The following GYS1 variants were observed in gnomAD, a reference collection of about 807,000 sequenced individuals.
GYS1 encodes the protein glycogen [starch] synthase, muscle.
A neutral mutation model predicts 89.1 loss-of-function variants in GYS1; 60 were observed. The ratio of observed to expected loss-of-function variants is 0.67; its 90% CI spans 0.55 to 0.84. The LOEUF (loss-of-function observed/expected upper bound fraction) is 0.84, where lower values mean the gene tolerates loss of function less well. GYS1 is among the 40% of genes least tolerant of loss of function. GYS1 has a pLI of 0.00. For missense variants in GYS1, 888 were observed against 1,003.1 expected, an observed-to-expected ratio of 0.89 and a Z score of 1.55; for synonymous variants, 366 against 401.7, an observed-to-expected ratio of 0.91 and a Z score of 1.06.
At chr19:48,979,013 C>T (rs2038705282) in intron 8 of GYS1, among the ~76,000 whole-genome samples, 1 of 152,080 alleles carries the variant, frequency 6.6e-6, no homozygotes, top group African/African-American at 2.4e-5. Flanking sequence ...ACTGCAGTGA[C>T]TCATTTTTCA....
intron 8 of GYS1, among the ~76,000 whole-genome samples, chr19:48,978,974 G>C (rs1031540886): frequency 2.0e-5 from 3 of 152,148 alleles, no homozygotes; most frequent in Admixed American, 6.6e-5. Context: ...TCAGCTGTGT[G>C]GTCAGGGACA....
chr19:48,991,569 G>GC lies in GYS1; in HGVS notation c.119-87dup. On this transcript the variant is annotated intron_variant, in intron 1 of 15. Coordinates refer to ENST00000323798, the MANE Select transcript of GYS1 (RefSeq NM_002103.5). The surrounding 1 kb of genome is among the most constrained non-coding windows in gnomAD (Gnocchi z 4.7). The stretch of plus-strand genomic sequence containing the variant: ...GTGGGGTGGGCCGGGGATGTAGGGG[G>GC]CACTCAGGCCCCAGACCTCTAGCTC... 1 of 1,424,100 alleles carries GC rather than the reference G, an allele frequency of 7.0e-7. No homozygotes were observed. Among genetic ancestry groups the GC allele is most frequent in the Non-Finnish European group, 9.9e-7 (1 of 1,015,020 alleles). The allele number at this position is 1,424,100 out of a possible 1,614,324, so 88.2% of individuals were successfully genotyped here.
At chr19:48,979,829 G>T (rs11882289) in intron 8 of GYS1, among the ~76,000 whole-genome samples, 55,808 of 149,348 alleles carry the variant, frequency 0.37, 10,344 homozygotes, top group Middle Eastern at 0.53. Flanking sequence ...TTATTTTTAG[G>T]AAAGACGGGG....
intron 14 of GYS1, chr19:48,970,190 A>G (rs2038537263): frequency 2.1e-6 from 1 of 467,038 alleles, no homozygotes; most frequent in South Asian, 2.2e-5. Flanking sequence ...GTGGGTTTGA[A>G]CAAGGCTCAC....
rs2038510088 is a variant in GYS1 at position 48,969,186 on chromosome 19, C to T, written c.*102G>A. The T allele has an allele frequency of 3.6e-6, 4 of 1,105,594 alleles. No individual in the cohort carries two copies. Among genetic ancestry groups the T allele is most frequent in the Non-Finnish European group, 5.1e-6 (4 of 779,556 alleles). The allele number at this position is 1,105,594 out of a possible 1,614,324, so 68.5% of individuals were successfully genotyped here. A position where few individuals can be genotyped will look rare whatever the true frequency, so the allele number is the denominator to read the frequency against. On this transcript the variant is annotated 3_prime_UTR_variant, in exon 16 of 16. Coordinates refer to ENST00000323798, the MANE Select transcript of GYS1 (RefSeq NM_002103.5). ...ACTGGGTGGGGGCACTGCGGGGCCA[C>T]ACCCAGTGCAGATCTGGAGCGGGGG...
intron 8 of GYS1, among the ~76,000 whole-genome samples, chr19:48,980,786 C>T (rs1371507602): frequency 2.0e-5 from 3 of 152,046 alleles, no homozygotes; most frequent in Non-Finnish European, 2.9e-5. Flanking sequence ...TCAAGATCAG[C>T]CTGGCCAACA....
chr19:48,983,147 C>T (rs1366561367), intron 5 of GYS1, among the ~76,000 whole-genome samples: 4 of 152,024 alleles, frequency 2.6e-5, no homozygotes, highest in Admixed American at 6.6e-5. Context: ...CTACCACACC[C>T]GGCTAATTTA....
rs113242166 is a variant in GYS1, at chr19:48,985,836, C to T, written c.678+14G>A. ...CATACTCGCAGTCCCCCATCTGCCACGGTCCCAGCTCACGTTCTCCAGGTT... is the reference window on the plus strand; with the variant it reads ...CATACTCGCAGTCCCCCATCTGCCATGGTCCCAGCTCACGTTCTCCAGGTT... On this transcript the variant is annotated intron_variant, in intron 4 of 15. Transcript: ENST00000323798. The T allele has an allele frequency of 1.9e-5, 31 of 1,612,382 alleles. No individual in the cohort carries two copies. The African/African-American group carries it at 2.3e-4, about 12-fold the overall frequency.
chr19:48,971,148 T>C, intron 12 of GYS1, 125 bp from the exon 13 acceptor site: 1 of 738,482 alleles, frequency 1.4e-6, no homozygotes, highest in Non-Finnish European at 2.5e-6. Flanking sequence ...GTGCGGAGCG[T>C]CGCTGAGCCC....
At chr19:48,970,731 T>G (rs1307089341) in intron 13 of GYS1, 22 bp from the exon 14 acceptor site, 8 of 1,611,200 alleles carry the variant, frequency 5.0e-6, no homozygotes, top group Non-Finnish European at 6.8e-6. Context: ...AGGACCCAGG[T>G]TCAGAAAACA....
intron 5 of GYS1, 98 bp downstream of exon 5, chr19:48,985,363 T>C: frequency 7.8e-7 from 1 of 1,275,588 alleles, no homozygotes; most frequent in Admixed American, 1.8e-5. Flanking sequence ...TTATGCTATT[T>C]CAACTTACAG....
intron 10 of GYS1, among the ~76,000 whole-genome samples, chr19:48,976,007 A>G (rs1375002029): frequency 6.6e-6 from 1 of 151,632 alleles, no homozygotes; most frequent in East Asian, 1.9e-4. Context: ...GAGTCTCTGG[A>G]GCAAGACAGA....
rs956208305 is a variant in GYS1 at position 48,981,629 on chromosome 19, C to T, written c.1070G>A (p.Gly357Asp). The change falls in exon 8 of 16, where the codon GGC becomes GAC. Residue 357 changes from glycine (G) to aspartate (D), a missense_variant. Gly to Asp is a moderately conservative substitution (Grantham distance 94, BLOSUM62 -1). Coordinates refer to ENST00000323798, the MANE Select transcript of GYS1 (RefSeq NM_002103.5). The part of the protein sequence containing the change: ...ARLNYLLRVN[G>D]SEQTVVAFFI... ...GAAGGCAACCACTGTCTGCTCGCTGCCGTTCACCTGCGCAGAAAGAAAGGA... is the reference window on the plus strand; with the variant it reads ...GAAGGCAACCACTGTCTGCTCGCTGTCGTTCACCTGCGCAGAAAGAAAGGA... 3 of 1,606,460 alleles carry T rather than the reference C, an allele frequency of 1.9e-6. No individual in the cohort carries two copies. Among genetic ancestry groups the T allele is most frequent in the Non-Finnish European group, 2.6e-6 (3 of 1,173,046 alleles).
intron 5 of GYS1, among the ~76,000 whole-genome samples, chr19:48,985,150 C>G (rs1197796261): frequency 6.6e-6 from 1 of 152,266 alleles, no homozygotes; most frequent in Non-Finnish European, 1.5e-5. Flanking sequence ...CTCCTAGGCT[C>G]GAGCAATCCT....
chr19:48,975,312 G>C (rs144207776), intron 10 of GYS1, among the ~76,000 whole-genome samples: 1 of 150,500 alleles, frequency 6.6e-6, no homozygotes, highest in Non-Finnish European at 1.5e-5. Flanking sequence ...GGGCTCAAGC[G>C]ATGCATCCGT....
chr19:48,980,678 GAGAAA>G (rs1043946431), intron 8 of GYS1, among the ~76,000 whole-genome samples: 3 of 149,596 alleles, frequency 2.0e-5, no homozygotes, highest in Admixed American at 2.0e-4. Flanking sequence ...AAAAAAATCA[GAGAAA>G]AGAAAAAGAA....
chr19:48,969,630 G>C lies in GYS1; in HGVS notation c.1891-19C>G. ...CCTGGGCCTGCATACGGCGATGTGGGTGCAAACCAGGGTGAGCTGAGGACC... is the reference window on the plus strand; with the variant it reads ...CCTGGGCCTGCATACGGCGATGTGGCTGCAAACCAGGGTGAGCTGAGGACC... On this transcript the variant is annotated intron_variant, in intron 15 of 15. Coordinates refer to ENST00000323798, the MANE Select transcript of GYS1 (RefSeq NM_002103.5). The C allele has an allele frequency of 1.3e-6, 2 of 1,553,820 alleles. No homozygotes were observed. Among genetic ancestry groups the C allele is most frequent in the Non-Finnish European group, 1.7e-6 (2 of 1,155,230 alleles).
Position 48,969,328 on chromosome 19 carries a change from G to A in GYS1, c.2174C>T (p.Pro725Leu), listed in dbSNP as rs1464060300. ...TSSSLSTPSE[P>L]LSPTSSLGEE... is the part of the protein sequence containing the mutation. ...GCCCAGGGAGCTGGTGGGGCTGAGG[G>A]GCTCGCTCGGGGTGCTGAGTGAGCT... is the stretch of plus-strand genomic sequence containing the variant. Residue 725 changes from proline (P) to leucine (L), a missense_variant, in exon 16 of 16, where the codon CCC (proline) becomes CTC (leucine). Coordinates refer to ENST00000323798, the MANE Select transcript of GYS1 (RefSeq NM_002103.5). 2 of 1,583,236 alleles carry A rather than the reference G, an allele frequency of 1.3e-6. No individual in the cohort carries two copies. Among genetic ancestry groups the A allele is most frequent in the Non-Finnish European group, 1.7e-6 (2 of 1,171,068 alleles).
At chr19:48,984,310 TTA>T (rs2038807925) in intron 5 of GYS1, among the ~76,000 whole-genome samples, 1 of 151,994 alleles carries the variant, frequency 6.6e-6, no homozygotes, top group Non-Finnish European at 1.5e-5. Flanking sequence ...CCCAGCCAAG[TTA>T]TGATTTTTCA....
Sources: allele counts gnomAD v4.1 joint callset (sites outside exome capture counted in the v4.1 genomes callset), GRCh38; gene constraint gnomAD v4.1.1; non-coding constraint Gnocchi (gnomAD v3.1); transcripts MANE v1.5; gene names NCBI Gene and HGNC (gene_info 2026-07-23, HGNC 2026-07-21).